The following THSD7A variants were observed in gnomAD, a reference collection of about 807,000 sequenced individuals.
THSD7A encodes the protein thrombospondin type-1 domain-containing protein 7A.
THSD7A carries 96 observed loss-of-function variants against 231.3 expected under a neutral mutation model. The observed-to-expected ratio is 0.41, with a 90% CI of 0.35 to 0.49. The LOEUF (loss-of-function observed/expected upper bound fraction) is 0.49. THSD7A is among the 20% of genes least tolerant of loss of function. The pLI is 0.05. For missense variants in THSD7A, 2,290 were observed against 2,070.2 expected (o/e 1.11, Z -2.06); for synonymous variants, 940 against 743.3 (o/e 1.26, Z -4.30).
chr7:11,745,128 C>A (rs938737360), intron 1 of THSD7A, among the ~76,000 whole-genome samples: 1 of 151,972 alleles, frequency 6.6e-6, no homozygotes, highest in South Asian at 2.1e-4. Context: ...TTTTAATAAT[C>A]GCCACTCTAA....
chr7:11,396,098 T>TGAG (rs148593113), intron 23 of THSD7A, among the ~76,000 whole-genome samples: 4,354 of 152,252 alleles, frequency 0.029, 139 homozygotes, highest in Admixed American at 0.084. Context: ...TTGAAACCAA[T>TGAG]GAGTTCAAAG....
At chr7:11,786,761 A>T (rs1783806169) in intron 1 of THSD7A, among the ~76,000 whole-genome samples, 1 of 49,500 alleles carries the variant, frequency 2.0e-5, no homozygotes, top group African/African-American at 1.3e-4. Flanking sequence ...TATAATAATA[A>T]AAAAAAAAAA....
chr7:11,459,425 T>G (rs1472192806), intron 11 of THSD7A, among the ~76,000 whole-genome samples: 1 of 152,104 alleles, frequency 6.6e-6, no homozygotes, highest in Non-Finnish European at 1.5e-5. Flanking sequence ...CTCAATTTCT[T>G]AAAGAATGAT....
At position 11,720,204 on chromosome 7, in the gene THSD7A, C is replaced by T. The variant is rs186617729; in HGVS notation, c.191-83243G>A. On this transcript the variant is annotated intron_variant, in intron 1 of 27. Coordinates refer to ENST00000423059, the MANE Select transcript of THSD7A (RefSeq NM_015204.3). ...ACTCAGCTCACACAGCCATTCTCTA[C>T]CAGAAAACTGTCAAACCATTTCCAC... 2.4e-3 allele frequency among the ~76,000 whole-genome samples: 360 copies of T among 151,888 alleles called. 1 individual carries two copies. Among genetic ancestry groups the T allele is most frequent in the Non-Finnish European group, 4.0e-3 (269 of 67,844 alleles).
intron 4 of THSD7A, among the ~76,000 whole-genome samples, chr7:11,560,337 G>A (rs911031197): frequency 6.6e-6 from 1 of 152,090 alleles, no homozygotes; most frequent in African/African-American, 2.4e-5. Flanking sequence ...GGCTGGCCTG[G>A]CACTCACACC....
intron 1 of THSD7A, among the ~76,000 whole-genome samples, chr7:11,813,792 A>G (rs535065703): frequency 4.6e-5 from 7 of 151,894 alleles, no homozygotes; most frequent in Non-Finnish European, 8.8e-5. Context: ...GCAATTAAAA[A>G]TACAGTTACC....
In THSD7A at chr7:11,462,033, G is replaced by A. The variant is rs752800753; in HGVS notation, c.2479C>T (p.Pro827Ser). ...TACCTGTAGCTTTGGCACGCTTGAG[G>A]TGCCTCACAGGCCTTCTCTTCATAG... The part of the protein sequence containing the change: ...PLYEEKACEA[P>S]QACQSYRWKT... The change falls in exon 10 of 28, where the codon CCT becomes TCT. Residue 827 changes from proline (P) to serine (S), a missense_variant. By Grantham distance (74) the Pro-to-Ser change is moderately conservative. Transcript: ENST00000423059. 1 of 1,613,656 alleles carries A rather than the reference G, an allele frequency of 6.2e-7. No homozygotes were observed. The highest frequency in any genetic ancestry group is 8.5e-7 in the Non-Finnish European group (1 of 1,179,672).
At chr7:11,653,188 T>C (rs192693993) in intron 1 of THSD7A, among the ~76,000 whole-genome samples, 1 of 152,066 alleles carries the variant, frequency 6.6e-6, no homozygotes, top group East Asian at 1.9e-4. Context: ...TTTATAGTTA[T>C]TGTATTTTTG....
At chr7:11,482,291 T>C (rs901687469) in intron 6 of THSD7A, among the ~76,000 whole-genome samples, 6 of 152,230 alleles carry the variant, frequency 3.9e-5, no homozygotes, top group African/African-American at 1.4e-4. Flanking sequence ...TTTATACTTG[T>C]ACTCTTAAGT....
chr7:11,617,626 C>T (rs1172515273), intron 2 of THSD7A, among the ~76,000 whole-genome samples: 1 of 152,172 alleles, frequency 6.6e-6, no homozygotes, highest in Non-Finnish European at 1.5e-5. Flanking sequence ...ATTCTACTTA[C>T]ACAGGTTATC....
chr7:11,652,789 T>C (rs1343654379), intron 1 of THSD7A, among the ~76,000 whole-genome samples: 1 of 151,956 alleles, frequency 6.6e-6, no homozygotes, highest in African/African-American at 2.4e-5. Flanking sequence ...TTTAGGGTAA[T>C]AATTTGCATC....
intron 22 of THSD7A, among the ~76,000 whole-genome samples, chr7:11,404,814 C>T (rs573988910): frequency 1.6e-4 from 24 of 148,476 alleles, no homozygotes; most frequent in African/African-American, 6.0e-4. Context: ...TGAGATCTAC[C>T]CACTTAACAC....
chr7:11,484,318 C>G (rs1424132855), intron 6 of THSD7A, among the ~76,000 whole-genome samples: 1 of 152,084 alleles, frequency 6.6e-6, no homozygotes, highest in Non-Finnish European at 1.5e-5. Flanking sequence ...TCCCTTTCCT[C>G]CTGCAAACGA....
intron 14 of THSD7A, among the ~76,000 whole-genome samples, chr7:11,428,045 A>G (rs575983675): frequency 2.0e-5 from 3 of 152,294 alleles, no homozygotes; most frequent in South Asian, 4.1e-4. Context: ...TACTTTTATT[A>G]TGAACAAAGT....
At chr7:11,595,270 C>CT (rs1295030872) in intron 2 of THSD7A, among the ~76,000 whole-genome samples, 1 of 152,130 alleles carries the variant, frequency 6.6e-6, no homozygotes, top group African/African-American at 2.4e-5. Flanking sequence ...AGGAGGTGTG[C>CT]TACACTTGAG....
chr7:11,542,488 G>C (rs1789194514), intron 5 of THSD7A, among the ~76,000 whole-genome samples: 1 of 152,070 alleles, frequency 6.6e-6, no homozygotes, highest in Non-Finnish European at 1.5e-5. Flanking sequence ...TTTCTTCAAA[G>C]TAATAAGCAG....
intron 1 of THSD7A, chr7:11,821,230 A>G: frequency 9.3e-6 from 11 of 1,185,102 alleles, no homozygotes; most frequent in Non-Finnish European, 1.4e-5. Context: ...ATGTTGGGCT[A>G]ACAGTTCTGA....
chr7:11,530,489 C>T (rs745928327), intron 6 of THSD7A, among the ~76,000 whole-genome samples: 3 of 152,092 alleles, frequency 2.0e-5, no homozygotes, highest in Admixed American at 6.5e-5. Flanking sequence ...GAAACAGTCA[C>T]ACAAAAATAA....
chr7:11,796,077 T>G (rs1002205814), intron 1 of THSD7A, among the ~76,000 whole-genome samples: 14 of 138,314 alleles, frequency 1.0e-4, no homozygotes, highest in Non-Finnish European at 2.0e-4. Flanking sequence ...TATATATATA[T>G]TTGGATCAGT....
Sources: gnomAD v4.1 joint callset for allele counts (sites outside exome capture counted in the v4.1 genomes callset) on GRCh38, gnomAD v4.1.1 for gene constraint, MANE v1.5 for transcripts, NCBI Gene and HGNC (gene_info 2026-07-23, HGNC 2026-07-21) for gene names.